Variants in FIGN observed in about 807,000 individuals in gnomAD.
FIGN encodes fidgetin.
Under a neutral mutation model 51.3 loss-of-function variants are expected in FIGN, and 11 were observed. The ratio of observed to expected loss-of-function variants is 0.21; its 90% CI spans 0.13 to 0.35. The LOEUF (loss-of-function observed/expected upper bound fraction) is 0.35. Ranked by LOEUF, FIGN falls within the 10% of genes least tolerant of loss-of-function variation. The pLI is 1.00. For missense variants in FIGN, 857 were observed against 943.6 expected, an observed-to-expected ratio of 0.91 and a Z score of 1.20; for synonymous variants, 407 against 363.2, an observed-to-expected ratio of 1.12 and a Z score of -1.37.
chr2:163,629,581 G>A (rs1227598281), intron 2 of FIGN, among the ~76,000 whole-genome samples: 3 of 152,182 alleles, frequency 2.0e-5, no homozygotes, highest in East Asian at 3.9e-4. Context: ...AGTAAACTAC[G>A]TCAAATCTAG....
At chr2:163,728,753 T>C (rs1196080133) in intron 2 of FIGN, among the ~76,000 whole-genome samples, 1 of 152,188 alleles carries the variant, frequency 6.6e-6, no homozygotes, top group Non-Finnish European at 1.5e-5. Context: ...CCATCATTTG[T>C]TCAGGCACAC....
chr2:163,666,307 C>T (rs1418846738), intron 2 of FIGN, among the ~76,000 whole-genome samples: 1 of 152,160 alleles, frequency 6.6e-6, no homozygotes, highest in Non-Finnish European at 1.5e-5. Flanking sequence ...CTTCGCCTTC[C>T]TCAAGCATTC....
At chr2:163,634,921 G>A (rs567075184) in intron 2 of FIGN, among the ~76,000 whole-genome samples, 1 of 152,234 alleles carries the variant, frequency 6.6e-6, no homozygotes, top group South Asian at 2.1e-4. Context: ...ACCTTGAACT[G>A]TATTTTACAT....
chr2:163,685,498 C>T (rs996247577), intron 2 of FIGN, among the ~76,000 whole-genome samples: 1 of 152,100 alleles, frequency 6.6e-6, no homozygotes. Flanking sequence ...AGACAAAAAC[C>T]ATGACTTCAA....
chr2:163,658,419 C>T (rs927668359), intron 2 of FIGN, among the ~76,000 whole-genome samples: 2 of 148,672 alleles, frequency 1.3e-5, no homozygotes, highest in African/African-American at 5.0e-5. Context: ...CGGTCTTAGT[C>T]TGTTTGTGTT....
chr2:163,615,202 C>A (rs907987680), intron 2 of FIGN, among the ~76,000 whole-genome samples: 64 of 152,224 alleles, frequency 4.2e-4, no homozygotes, highest in African/African-American at 1.4e-3. Flanking sequence ...CTTTGCAGAG[C>A]TGCAAAAGGC....
intron 2 of FIGN, among the ~76,000 whole-genome samples, chr2:163,686,656 T>A (rs1197081597): frequency 6.6e-6 from 1 of 152,066 alleles, no homozygotes; most frequent in Non-Finnish European, 1.5e-5. Context: ...ATATTATCAA[T>A]TTTATTGAAT....
At chr2:163,616,058 GT>G (rs35273894) in intron 2 of FIGN, among the ~76,000 whole-genome samples, 11,719 of 152,184 alleles carry the variant, frequency 0.077, 706 homozygotes, top group Admixed American at 0.18. Context: ...ATGACTCCAT[GT>G]ATATATAAAT....
intron 2 of FIGN, among the ~76,000 whole-genome samples, chr2:163,645,726 C>A (rs986514491): frequency 2.6e-5 from 4 of 152,152 alleles, no homozygotes; most frequent in African/African-American, 9.7e-5. Context: ...TCTAGCTAGC[C>A]TCGCTCACAT....
At position 163,607,025 on chromosome 2, in the gene FIGN, T is replaced by TA; in HGVS notation, c.*2526dup. 1 of 152,288 alleles carries TA rather than the reference T, an allele frequency of 6.6e-6. No individual in the cohort carries two copies. The highest frequency in any genetic ancestry group is 2.1e-4 in the South Asian group (1 of 4,828). The allele number at this position is 152,288 out of a possible 1,614,324, so 9.4% of individuals were successfully genotyped here. A position where few individuals can be genotyped will look rare whatever the true frequency, so the allele number is the denominator to read the frequency against. ...TCATATATTTGGCATTAAATCTTACTAGCCACAAAAAAATGTGGGTCAATA... is the reference window on the plus strand; with the variant it reads ...TCATATATTTGGCATTAAATCTTACTAAGCCACAAAAAAATGTGGGTCAATA... On this transcript the variant is annotated 3_prime_UTR_variant, in exon 3 of 3. Coordinates refer to ENST00000333129, the MANE Select transcript of FIGN (RefSeq NM_018086.4).
At chr2:163,647,228 T>C (rs1403704558) in intron 2 of FIGN, among the ~76,000 whole-genome samples, 1 of 152,156 alleles carries the variant, frequency 6.6e-6, no homozygotes, top group African/African-American at 2.4e-5. Context: ...CCCAGTGGAA[T>C]GTAATTGGCA....
intron 2 of FIGN, among the ~76,000 whole-genome samples, chr2:163,699,389 A>G (rs1300120170): frequency 6.6e-6 from 1 of 152,188 alleles, no homozygotes; most frequent in South Asian, 2.1e-4. Context: ...TTACATGTTC[A>G]AAACCACACA....
In FIGN at chr2:163,695,691, C is replaced by T. The variant is rs866447800; in HGVS notation, c.25+39212G>A. Among the ~76,000 whole-genome samples the T allele has an allele frequency of 2.4e-4, 37 of 152,320 alleles. 1 individual carries two copies. In the South Asian group the frequency reaches 6.6e-3, roughly 27 times the overall value. On this transcript the variant is annotated intron_variant, in intron 2 of 2. Coordinates refer to ENST00000333129, the MANE Select transcript of FIGN (RefSeq NM_018086.4). ...ATGTATATTCCCAGTAATTATAGCA[C>T]TTAGTAGTTCACACTGTGCTTTACT... is the stretch of plus-strand genomic sequence containing the variant.
Position 163,603,214 on chromosome 2 carries a change from C to T in FIGN, c.*6338G>A, listed in dbSNP as rs2105293390. ...GCAATAATAACACATTTAGTTTCAG[C>T]AGATGTAAAATAATGCACACAAAAA... On this transcript the variant is annotated 3_prime_UTR_variant, in exon 3 of 3. Transcript: ENST00000333129. 1 of 152,064 alleles carries T rather than the reference C, an allele frequency of 6.6e-6. No individual in the cohort carries two copies. The highest frequency in any genetic ancestry group is 1.9e-4 in the East Asian group (1 of 5,182). The allele number at this position is 152,064 out of a possible 1,614,324, so 9.4% of individuals were successfully genotyped here.
At chr2:163,728,158 T>C (rs1462263965) in intron 2 of FIGN, among the ~76,000 whole-genome samples, 1 of 152,190 alleles carries the variant, frequency 6.6e-6, no homozygotes, top group Non-Finnish European at 1.5e-5. Context: ...AACAAGGTTA[T>C]TTGGGGGTCT....
At chr2:163,682,371 C>T (rs1000580543) in intron 2 of FIGN, among the ~76,000 whole-genome samples, 6 of 149,718 alleles carry the variant, frequency 4.0e-5, no homozygotes, top group Admixed American at 2.7e-4. Context: ...CAGTCTATAG[C>T]CGCAGGCAAT....
At chr2:163,613,412 G>T (rs1275458357) in intron 2 of FIGN, among the ~76,000 whole-genome samples, 1 of 152,048 alleles carries the variant, frequency 6.6e-6, no homozygotes, top group Non-Finnish European at 1.5e-5. Flanking sequence ...TATTTTGTCA[G>T]TTTCTACCCC....
intron 2 of FIGN, among the ~76,000 whole-genome samples, chr2:163,662,217 T>G (rs1012557582): frequency 3.3e-5 from 5 of 152,192 alleles, no homozygotes; most frequent in African/African-American, 1.2e-4. Context: ...AAGGTGAATC[T>G]TGTTATGTTT....
chr2:163,641,482 C>T (rs1007159373), intron 2 of FIGN, among the ~76,000 whole-genome samples: 2 of 152,154 alleles, frequency 1.3e-5, no homozygotes, highest in African/African-American at 4.8e-5. Flanking sequence ...GGGCTGAAAC[C>T]CAGAGTTCTT....
Sources: gnomAD v4.1 joint callset for allele counts (sites outside exome capture counted in the v4.1 genomes callset) on GRCh38, gnomAD v4.1.1 for gene constraint, MANE v1.5 for transcripts, NCBI Gene and HGNC (gene_info 2026-07-23, HGNC 2026-07-21) for gene names.